The following LRMDA variants were observed in gnomAD, a reference collection of about 807,000 sequenced individuals.
LRMDA encodes leucine-rich melanocyte differentiation-associated protein.
In LRMDA, 18 loss-of-function variants were observed where a neutral mutation model predicts 29.8. The observed-to-expected ratio is 0.60, with a 90% CI of 0.42 to 0.90. The LOEUF is 0.90. Ranked by LOEUF, LRMDA falls within the 40% of genes least tolerant of loss-of-function variation. The probability of loss-of-function intolerance (pLI) is 0.00; values close to 1 mark genes in which losing one functional copy is unlikely to be tolerated. For synonymous variants in LRMDA, 125 were observed against 109.4 expected (o/e 1.14, Z -0.89); for missense variants, 273 against 273.9 (o/e 1.00, Z 0.02).
intron 1 of LRMDA, among the ~76,000 whole-genome samples, chr10:75,437,539 A>G (rs1026096465): frequency 7.2e-5 from 11 of 152,312 alleles, no homozygotes; most frequent in African/African-American, 1.9e-4. Context: ...TTAGTTGCCA[A>G]TCTGCCCACA....
intron 2 of LRMDA, among the ~76,000 whole-genome samples, chr10:75,561,347 G>C (rs1253499030): frequency 1.4e-5 from 2 of 147,950 alleles, no homozygotes; most frequent in Admixed American, 6.8e-5. Context: ...ATTCTCTGAT[G>C]GTAGTTTGTA....
intron 2 of LRMDA, among the ~76,000 whole-genome samples, chr10:75,841,008 A>G (rs1056454976): frequency 2.6e-5 from 4 of 152,226 alleles, no homozygotes; most frequent in Non-Finnish European, 5.9e-5. Flanking sequence ...CTGAGTTAAA[A>G]TTGCCAACAT....
At chr10:76,223,822 C>A (rs1366475403) in intron 5 of LRMDA, among the ~76,000 whole-genome samples, 1 of 152,160 alleles carries the variant, frequency 6.6e-6, no homozygotes, top group Non-Finnish European at 1.5e-5. Flanking sequence ...GACAGCATCT[C>A]TTCGTGGTCT....
At chr10:75,458,865 G>A (rs1051057491) in intron 2 of LRMDA, among the ~76,000 whole-genome samples, 1 of 152,134 alleles carries the variant, frequency 6.6e-6, no homozygotes, top group Non-Finnish European at 1.5e-5. Flanking sequence ...CTTGCAAGGA[G>A]CAAGCGGCTA....
At chr10:76,240,376 G>A (rs893785202) in intron 5 of LRMDA, among the ~76,000 whole-genome samples, 7 of 147,030 alleles carry the variant, frequency 4.8e-5, no homozygotes, top group African/African-American at 1.6e-4. Context: ...CCTTACTCCC[G>A]CAAGAAGGGC....
At chr10:75,862,455 A>C (rs1196783901) in intron 2 of LRMDA, among the ~76,000 whole-genome samples, 1 of 152,164 alleles carries the variant, frequency 6.6e-6, no homozygotes, top group East Asian at 1.9e-4. Context: ...CCCTCAATCC[A>C]GAAGAGGCCA....
At chr10:75,481,062 C>T (rs892540833) in intron 2 of LRMDA, among the ~76,000 whole-genome samples, 2 of 151,984 alleles carry the variant, frequency 1.3e-5, no homozygotes, top group African/African-American at 2.4e-5. Flanking sequence ...TAGGACTCAT[C>T]GGGTTTGAGG....
intron 2 of LRMDA, among the ~76,000 whole-genome samples, chr10:75,923,968 G>C (rs567718117): frequency 1.3e-5 from 2 of 152,068 alleles, no homozygotes; most frequent in Non-Finnish European, 2.9e-5. Context: ...TCATTTCCTC[G>C]GATTATCATC....
At chr10:75,976,855 T>G (rs1033440996) in intron 2 of LRMDA, among the ~76,000 whole-genome samples, 1 of 152,228 alleles carries the variant, frequency 6.6e-6, no homozygotes, top group Admixed American at 6.5e-5. Context: ...CACATTACAA[T>G]GCCTCTCTAG....
intron 5 of LRMDA, among the ~76,000 whole-genome samples, chr10:76,148,791 G>A (rs564893633): frequency 1.2e-4 from 18 of 152,242 alleles, no homozygotes; most frequent in Middle Eastern, 3.4e-3. Context: ...GCTCACGCTC[G>A]GAGCTGTAGA....
chr10:76,299,177 G>GTGTA (rs1840448848), intron 5 of LRMDA, among the ~76,000 whole-genome samples: 1 of 151,876 alleles, frequency 6.6e-6, no homozygotes, highest in African/African-American at 2.4e-5. Flanking sequence ...GTGTGTGTGT[G>GTGTA]TGTGTGTGTG....
At chr10:76,061,170 A>G (rs1316891799) in intron 5 of LRMDA, among the ~76,000 whole-genome samples, 1 of 152,248 alleles carries the variant, frequency 6.6e-6, no homozygotes, top group Non-Finnish European at 1.5e-5. Flanking sequence ...ATACGTATAC[A>G]CTATGGAATA....
chr10:75,896,972 C>CA (rs1309367361), intron 2 of LRMDA, among the ~76,000 whole-genome samples: 4 of 151,968 alleles, frequency 2.6e-5, no homozygotes, highest in South Asian at 2.1e-4. Flanking sequence ...TCCAAAACTT[C>CA]AAAAAAATTG....
At chr10:76,429,647 G>A (rs1022179272) in intron 6 of LRMDA, among the ~76,000 whole-genome samples, 1 of 151,718 alleles carries the variant, frequency 6.6e-6, no homozygotes, top group Non-Finnish European at 1.5e-5. Context: ...TTTTTTCATT[G>A]TAGCTACAAT....
intron 2 of LRMDA, among the ~76,000 whole-genome samples, chr10:75,584,485 C>G (rs1840633515): frequency 6.6e-6 from 1 of 152,090 alleles, no homozygotes; most frequent in Non-Finnish European, 1.5e-5. Flanking sequence ...GAGGACACAG[C>G]CTGGTGCATG....
intron 5 of LRMDA, among the ~76,000 whole-genome samples, chr10:76,138,982 T>A (rs144637483): frequency 5.6e-4 from 86 of 152,284 alleles, no homozygotes; most frequent in African/African-American, 1.9e-3. Context: ...GTGGATGTCA[T>A]GGAAACTTAT....
At chr10:75,469,064 G>A (rs1844693954) in intron 2 of LRMDA, among the ~76,000 whole-genome samples, 1 of 152,096 alleles carries the variant, frequency 6.6e-6, no homozygotes, top group East Asian at 1.9e-4. Flanking sequence ...GAGCTCCTAT[G>A]GGAGAGCATG....
At chr10:75,672,738 A>T (rs1351459041) in intron 2 of LRMDA, among the ~76,000 whole-genome samples, 2 of 149,228 alleles carry the variant, frequency 1.3e-5, no homozygotes, top group Non-Finnish European at 3.0e-5. Context: ...GCCACAGCTA[A>T]TTTTTACGTT....
rs547460165 is a variant in LRMDA, at chr10:75,932,596, A to G, written c.132-103412A>G. On this transcript the variant is annotated intron_variant, in intron 2 of 6. Transcript: ENST00000611255. ...TTCTGCACTCTAGCCTGGGCAATAG[A>G]GTGAGACTCTATCTCAAACAAAACA... Among the ~76,000 whole-genome samples, 275 of 152,286 alleles carry G rather than the reference A, an allele frequency of 1.8e-3. 1 individual carries two copies. Among genetic ancestry groups the G allele is most frequent in the Non-Finnish European group, 3.0e-3 (201 of 68,028 alleles).
Sources: gnomAD v4.1 joint callset for allele counts (sites outside exome capture counted in the v4.1 genomes callset) on GRCh38, gnomAD v4.1.1 for gene constraint, MANE v1.5 for transcripts, NCBI Gene and HGNC (gene_info 2026-07-23, HGNC 2026-07-21) for gene names.